MAEA: variants seen among roughly 807,000 people sequenced by gnomAD.
The protein encoded by MAEA is E3 ubiquitin-protein transferase MAEA.
MAEA carries 22 observed loss-of-function variants against 46.2 expected under a neutral mutation model. That is an observed-to-expected ratio of 0.48 (90% CI 0.34 to 0.68). The LOEUF (loss-of-function observed/expected upper bound fraction) is 0.68. Among genes scored for constraint, MAEA ranks in the 30% least tolerant of loss-of-function variants. The probability of loss-of-function intolerance (pLI) is 0.01; values close to 1 mark genes in which losing one functional copy is unlikely to be tolerated. For missense variants in MAEA, 393 were observed against 558.1 expected (o/e 0.70, Z 2.98); for synonymous variants, 246 against 222.6 (o/e 1.11, Z -0.94).
intron 2 of MAEA, among the ~76,000 whole-genome samples, chr4:1,313,048 T>G (rs1736709171): frequency 6.6e-6 from 1 of 151,968 alleles, no homozygotes. Context: ...GGAGAGAAGG[T>G]GGGACCCCAC....
At chr4:1,296,474 CCTGTGCCTCCCTCACTTGCG>C (rs1407152317) in intron 1 of MAEA, among the ~76,000 whole-genome samples, 5 of 148,832 alleles carry the variant, frequency 3.4e-5, no homozygotes, top group Admixed American at 6.7e-5. Flanking sequence ...CTCACCCGTG[CCTGTGCCTCCCTCACTTGCG>C]CTGTGCCCCC....
chr4:1,293,558 G>A (rs766231369), intron 1 of MAEA, among the ~76,000 whole-genome samples: 10 of 152,200 alleles, frequency 6.6e-5, no homozygotes, highest in Admixed American at 2.0e-4. Context: ...AGCCCAGGGC[G>A]GGAAGTGGTG....
intron 3 of MAEA, among the ~76,000 whole-genome samples, chr4:1,318,338 G>A (rs550634888): frequency 3.3e-5 from 5 of 152,370 alleles, no homozygotes; most frequent in Non-Finnish European, 5.9e-5. Flanking sequence ...GGAGAGAGAC[G>A]TGAAGTGAAA....
intron 1 of MAEA, 71 bp downstream of exon 1, chr4:1,290,053 G>T: frequency 7.9e-7 from 1 of 1,258,018 alleles, no homozygotes; most frequent in Non-Finnish European, 1.1e-6. Context: ...GCCGCGAGGG[G>T]CCGCCCCGGG....
chr4:1,337,400 C>T, intron 7 of MAEA: 1 of 259,898 alleles, frequency 3.8e-6, no homozygotes, highest in Non-Finnish European at 7.6e-6. Flanking sequence ...CTCTGTCTGC[C>T]TGTGACTCTG....
intron 1 of MAEA, among the ~76,000 whole-genome samples, chr4:1,301,176 T>A (rs1371849750): frequency 6.6e-6 from 1 of 152,250 alleles, no homozygotes; most frequent in Non-Finnish European, 1.5e-5. Context: ...CTGAAATGCG[T>A]TGCGTTTTGT....
intron 4 of MAEA, among the ~76,000 whole-genome samples, chr4:1,325,574 C>A (rs915929129): frequency 6.6e-6 from 1 of 152,194 alleles, no homozygotes; most frequent in African/African-American, 2.4e-5. Flanking sequence ...TCCTGCTCTT[C>A]TAGAGCACCC....
intron 4 of MAEA, 53 bp from the exon 5 acceptor site, chr4:1,327,574 C>A (rs1739008307): frequency 7.3e-7 from 1 of 1,373,470 alleles, no homozygotes; most frequent in Non-Finnish European, 1.0e-6. Flanking sequence ...CACCCGGGCA[C>A]CTGGGCTCTG....
In MAEA at chr4:1,290,958, T is replaced by C. The variant is rs528800273; in HGVS notation, c.69+976T>C. 3.2e-4 allele frequency among the ~76,000 whole-genome samples: 49 copies of C among 152,324 alleles called. No homozygotes were observed. In the South Asian group the frequency reaches 9.7e-3, roughly 30 times the overall value. ...CATCAGGGCCCGGTTGGTGACTGTT[T>C]ATTCTTGTCAGGTTTAAGCAGTGGT... On this transcript the variant is annotated intron_variant, in intron 1 of 8. Transcript: ENST00000303400.
intron 5 of MAEA, chr4:1,330,035 T>C (rs1312415816): frequency 3.0e-6 from 3 of 985,258 alleles, no homozygotes; most frequent in Non-Finnish European, 3.6e-6. Context: ...GCCAGCGTGC[T>C]GGGCCGGGCA....
At chr4:1,327,561 C>A in intron 4 of MAEA, 66 bp from the exon 5 acceptor site, 1 of 1,136,714 alleles carries the variant, frequency 8.8e-7, no homozygotes. Flanking sequence ...CATGCGGGTG[C>A]GGCACCCGGG....
rs1021899497 is a variant in MAEA, at chr4:1,339,591, C to T, written c.*422C>T. 2.0e-5 allele frequency: 4 copies of T among 199,174 alleles called. No homozygotes were observed. The highest frequency in any genetic ancestry group is 3.1e-5 in the Non-Finnish European group (3 of 96,348). 12.3% of individuals were successfully genotyped at this position (199,174 alleles called of 1,614,324 possible). A position where few individuals can be genotyped will look rare whatever the true frequency, so the allele number is the denominator to read the frequency against. ...CACTTCCTGTTGGCCCTGGCCTGGC[C>T]GGGGAAGGTGGCAGCGGCACCGGAC... is the stretch of plus-strand genomic sequence containing the variant. On this transcript the variant is annotated 3_prime_UTR_variant, in exon 9 of 9. Coordinates refer to ENST00000303400, the MANE Select transcript of MAEA (RefSeq NM_001017405.3).
intron 5 of MAEA, chr4:1,332,420 A>G (rs563278520): frequency 4.8e-6 from 1 of 206,724 alleles, no homozygotes; most frequent in African/African-American, 2.3e-5. Context: ...AGATTTTTCA[A>G]CTTAAAAATG....
intron 2 of MAEA, among the ~76,000 whole-genome samples, chr4:1,314,511 G>A (rs1336226357): frequency 6.6e-6 from 1 of 152,184 alleles, no homozygotes; most frequent in African/African-American, 2.4e-5. Flanking sequence ...CAAAGTGGCT[G>A]CGAGAGTAAA....
intron 1 of MAEA, among the ~76,000 whole-genome samples, chr4:1,292,350 C>T (rs755967709): frequency 4.4e-4 from 67 of 152,302 alleles, no homozygotes; most frequent in Non-Finnish European, 7.2e-4. Flanking sequence ...ATGTCTGCTT[C>T]CTCACAGCGT....
chr4:1,293,615 C>T (rs959802088), intron 1 of MAEA, among the ~76,000 whole-genome samples: 1 of 152,168 alleles, frequency 6.6e-6, no homozygotes, highest in African/African-American at 2.4e-5. Flanking sequence ...TCTCTGTGAA[C>T]CCCACCTGGG....
intron 5 of MAEA, chr4:1,332,556 A>G (rs1711977241): frequency 4.2e-6 from 2 of 474,274 alleles, no homozygotes; most frequent in Non-Finnish European, 3.8e-6. Context: ...CTCTAACAAG[A>G]TGTTTTTTAC....
At chr4:1,317,022 A>G in intron 3 of MAEA, among the ~76,000 whole-genome samples, 1 of 102,488 alleles carries the variant, frequency 9.8e-6, no homozygotes, top group East Asian at 3.2e-4. Flanking sequence ...CCCACACTCC[A>G]GACTCACCTG....
At chr4:1,310,875 C>T (rs1250829046) in intron 1 of MAEA, among the ~76,000 whole-genome samples, 4 of 152,228 alleles carry the variant, frequency 2.6e-5, no homozygotes, top group Non-Finnish European at 5.9e-5. Flanking sequence ...GCTCCTTCCT[C>T]GGCTGAGGCC....
Sources: gnomAD v4.1 joint callset for allele counts (sites outside exome capture counted in the v4.1 genomes callset) on GRCh38, gnomAD v4.1.1 for gene constraint, MANE v1.5 for transcripts, NCBI Gene and HGNC (gene_info 2026-07-23, HGNC 2026-07-21) for gene names.